The following SLC25A48 variants were observed in gnomAD, a reference collection of about 807,000 sequenced individuals.
SLC25A48 encodes the protein CTC-321K16.1.
In SLC25A48, 29 loss-of-function variants were observed where a neutral mutation model predicts 32.2. The ratio of observed to expected loss-of-function variants is 0.90; its 90% CI spans 0.67 to 1.23. The LOEUF (loss-of-function observed/expected upper bound fraction) is 1.23. Ranked by LOEUF, SLC25A48 falls within the 50% of genes most tolerant of loss-of-function variation. The pLI is 0.00. For synonymous variants in SLC25A48, 164 were observed against 172.3 expected (o/e 0.95, Z 0.38); for missense variants, 399 against 422.7 (o/e 0.94, Z 0.49).
chr5:135,840,105 AGT>A (rs369897036), intron 1 of SLC25A48, among the ~76,000 whole-genome samples: 1 of 152,070 alleles, frequency 6.6e-6, no homozygotes, highest in East Asian at 1.9e-4. Flanking sequence ...AGGTCTTTTG[AGT>A]GTGTGTGTGT....
chr5:135,695,881 G>A (rs778302915), intron 3 of SLC25A48, among the ~76,000 whole-genome samples: 1 of 152,168 alleles, frequency 6.6e-6, no homozygotes, highest in South Asian at 2.1e-4. Flanking sequence ...TAGTCACTTG[G>A]CAAGAGAGAA....
chr5:135,878,745 A>G (rs1762227269), intron 6 of SLC25A48, among the ~76,000 whole-genome samples: 1 of 152,200 alleles, frequency 6.6e-6, no homozygotes, highest in African/African-American at 2.4e-5. Flanking sequence ...TTAAACTTAG[A>G]AAATTATACA....
chr5:135,678,781 T>C (rs755382801), intron 3 of SLC25A48, among the ~76,000 whole-genome samples: 4 of 152,196 alleles, frequency 2.6e-5, no homozygotes, highest in South Asian at 2.1e-4. Context: ...TTTGGTATGA[T>C]TTTTTTCAGC....
At chr5:135,594,118 C>T (rs796491754) in intron 1 of SLC25A48, among the ~76,000 whole-genome samples, 15 of 152,362 alleles carry the variant, frequency 9.8e-5, no homozygotes, top group African/African-American at 2.9e-4. Flanking sequence ...CTCTCAAACA[C>T]GGTGACTTTA....
intron 1 of SLC25A48, among the ~76,000 whole-genome samples, chr5:135,603,597 G>A (rs888543479): frequency 1.3e-5 from 2 of 152,226 alleles, no homozygotes; most frequent in African/African-American, 4.8e-5. Context: ...GGGCCCTGGG[G>A]AGCCTGACCT....
At chr5:135,684,644 C>T (rs1753975179) in intron 3 of SLC25A48, among the ~76,000 whole-genome samples, 1 of 152,246 alleles carries the variant, frequency 6.6e-6, no homozygotes, top group East Asian at 1.9e-4. Flanking sequence ...CAGCCACCAA[C>T]ACTCACAGCA....
chr5:135,735,478 G>A (rs1755338430), intron 3 of SLC25A48, among the ~76,000 whole-genome samples: 1 of 152,200 alleles, frequency 6.6e-6, no homozygotes, highest in East Asian at 1.9e-4. Context: ...CATGAACTGG[G>A]CTGAGTTTTC....
At chr5:135,709,380 A>C (rs759802993) in intron 3 of SLC25A48, among the ~76,000 whole-genome samples, 6 of 152,200 alleles carry the variant, frequency 3.9e-5, no homozygotes, top group Non-Finnish European at 5.9e-5. Flanking sequence ...AAGTTGTGGG[A>C]AGAGCCCTGT....
chr5:135,685,428 G>C (rs929909085), intron 3 of SLC25A48, among the ~76,000 whole-genome samples: 1 of 138,850 alleles, frequency 7.2e-6, no homozygotes, highest in Non-Finnish European at 1.5e-5. Context: ...TTAGATGTAA[G>C]GACTTTTTTT....
intron 3 of SLC25A48, among the ~76,000 whole-genome samples, chr5:135,728,948 ACT>A (rs1247682194): frequency 1.3e-5 from 2 of 151,486 alleles, no homozygotes; most frequent in Non-Finnish European, 2.9e-5. Flanking sequence ...CATTCTCTAA[ACT>A]CTCTGTTGTT....
At chr5:135,868,652 C>T (rs193044629) in intron 4 of SLC25A48, among the ~76,000 whole-genome samples, 28 of 139,998 alleles carry the variant, frequency 2.0e-4, no homozygotes, top group Non-Finnish European at 3.5e-4. Flanking sequence ...AAAAATACAT[C>T]TATGTGTATA....
At chr5:135,624,348 C>G (rs1007448989) in intron 1 of SLC25A48, among the ~76,000 whole-genome samples, 7 of 151,992 alleles carry the variant, frequency 4.6e-5, no homozygotes, top group Non-Finnish European at 7.4e-5. Flanking sequence ...ATTTTAGGTT[C>G]TATACAAACT....
chr5:135,880,146 CTT>C (rs878929700), intron 7 of SLC25A48, 49 bp downstream of exon 7: 2,889 of 1,269,740 alleles, frequency 2.3e-3, no homozygotes, highest in Admixed American at 3.4e-3. Context: ...GAACTTGAAA[CTT>C]TTTTTTTTTT....
chr5:135,681,494 C>A (rs916273526), intron 3 of SLC25A48, among the ~76,000 whole-genome samples: 19 of 152,220 alleles, frequency 1.2e-4, no homozygotes, highest in African/African-American at 4.3e-4. Flanking sequence ...ATGGTAATAA[C>A]CTTTTAAATG....
intron 3 of SLC25A48, among the ~76,000 whole-genome samples, chr5:135,790,726 CTG>C (rs1267588391): frequency 1.3e-5 from 2 of 151,544 alleles, no homozygotes; most frequent in African/African-American, 4.8e-5. Flanking sequence ...TGTGTATACA[CTG>C]TGTGATATTA....
Position 135,779,227 on chromosome 5 carries a change from CT to C in SLC25A48, c.-520-33295del, listed in dbSNP as rs139912882. Among the ~76,000 whole-genome samples, 1,003 of 152,080 alleles carry C rather than the reference CT, an allele frequency of 6.6e-3. 8 individuals carry two copies. Among genetic ancestry groups the C allele is most frequent in the African/African-American group, 0.023 (938 of 41,490 alleles). On this transcript the variant is annotated intron_variant, in intron 3 of 10. Coordinates refer to the SLC25A48 transcript ENST00000646290. ...AATATTGCATGGGGTGTGCACACCCCTGTGATATTGTTCCTGATATCTAAGG... is the reference window on the plus strand; with the variant it reads ...AATATTGCATGGGGTGTGCACACCCCGTGATATTGTTCCTGATATCTAAGG...
intron 3 of SLC25A48, among the ~76,000 whole-genome samples, chr5:135,806,421 TG>T (rs1401012754): frequency 6.6e-6 from 1 of 151,490 alleles, no homozygotes; most frequent in Non-Finnish European, 1.5e-5. Flanking sequence ...ATAAATATCA[TG>T]TATATTTTAT....
At chr5:135,717,767 G>A (rs904837654) in intron 3 of SLC25A48, among the ~76,000 whole-genome samples, 6 of 152,178 alleles carry the variant, frequency 3.9e-5, no homozygotes, top group African/African-American at 1.4e-4. Flanking sequence ...GCACAGCCCT[G>A]CTGATCCCAC....
chr5:135,593,406 A>C (rs1751572092), intron 1 of SLC25A48, among the ~76,000 whole-genome samples: 1 of 152,230 alleles, frequency 6.6e-6, no homozygotes, highest in East Asian at 1.9e-4. Context: ...TCTTAACCTC[A>C]GGTCAACACT....
Sources: allele counts gnomAD v4.1 joint callset (sites outside exome capture counted in the v4.1 genomes callset), GRCh38; gene constraint gnomAD v4.1.1; transcripts MANE v1.5; gene names NCBI Gene and HGNC (gene_info 2026-07-23, HGNC 2026-07-21).